Variants in TSKS observed in about 807,000 individuals in gnomAD.
TSKS encodes the protein testis specific serine kinase substrate, also known as testis-specific serine kinase substrate.
Under a neutral mutation model 68.0 loss-of-function variants are expected in TSKS, and 27 were observed. That is an observed-to-expected ratio of 0.40 (90% CI 0.29 to 0.55). The LOEUF is 0.55. TSKS is among the 20% of genes least tolerant of loss of function. TSKS has a pLI of 0.53. For missense variants in TSKS, 806 were observed against 776.0 expected (o/e 1.04, Z -0.46); for synonymous variants, 331 against 340.4 (o/e 0.97, Z 0.30).
At position 49,746,574 on chromosome 19, in the gene TSKS, G is replaced by C. The variant is rs1161436074; in HGVS notation, c.888C>G (p.His296Gln). 4.3e-6 allele frequency: 7 copies of C among 1,612,694 alleles called. No individual in the cohort carries two copies. The highest frequency in any genetic ancestry group is 4.2e-6 in the Non-Finnish European group (5 of 1,179,610). Reference protein sequence around the residue: ...PGSPDKPSRPHGLVPAGWGMG... With the variant: ...PGSPDKPSRPQGLVPAGWGMG... ...TTCCCCAGCCTGCGGGGACCAGGCC[G>C]TGTGGCCGCGAGGGTTTGTCGGGAC... The change falls in exon 6 of 11, where the codon CAC becomes CAG. Residue 296 changes from histidine to glutamine, a missense_variant. Coordinates refer to ENST00000246801, the MANE Select transcript of TSKS (RefSeq NM_021733.2).
At chr19:49,742,600 C>T (rs939941772) in intron 8 of TSKS, among the ~76,000 whole-genome samples, 5 of 150,544 alleles carry the variant, frequency 3.3e-5, no homozygotes, top group African/African-American at 1.2e-4. Context: ...CTGAGTTCAG[C>T]GATTCTCCTG....
At position 49,748,494 on chromosome 19, in the gene TSKS, A is replaced by G. The variant is rs770552282; in HGVS notation, c.400-25T>C. On this transcript the variant is annotated intron_variant, in intron 2 of 10. Transcript: ENST00000246801. ...TCTGGGGAAGAATGGGAGACAGGTG[A>G]GTTAGTGGGTATGTGGGGGCAAGCC... The G allele has an allele frequency of 5.6e-6, 9 of 1,607,392 alleles. No individual in the cohort carries two copies. The South Asian group carries it at 9.9e-5, about 18-fold the overall frequency.
At chr19:49,762,997 A>G in intron 1 of TSKS, 81 bp downstream of exon 1, 3 of 1,458,434 alleles carry the variant, frequency 2.1e-6, no homozygotes, top group Non-Finnish European at 2.7e-6. Context: ...CCCTTCCTCT[A>G]GCACCCACAG....
intron 2 of TSKS, 116 bp downstream of exon 2, chr19:49,761,888 A>G: frequency 1.2e-6 from 1 of 809,448 alleles, no homozygotes; most frequent in African/African-American, 1.7e-5. Context: ...CTGGGTCTCG[A>G]ATGACCAGAA....
chr19:49,748,255 T>C, intron 3 of TSKS, 87 bp from the exon 4 acceptor site: 1 of 1,577,742 alleles, frequency 6.3e-7, no homozygotes, highest in Non-Finnish European at 8.7e-7. Context: ...AGGTTCCTTT[T>C]CTTTCTGAGC....
chr19:49,743,084 T>C (rs1041564293), intron 8 of TSKS, among the ~76,000 whole-genome samples: 1 of 150,510 alleles, frequency 6.6e-6, no homozygotes. Context: ...ATGTACTAAG[T>C]GTTTTTTTTT....
At chr19:49,748,867 G>A (rs139004302) in intron 2 of TSKS, among the ~76,000 whole-genome samples, 2 of 152,066 alleles carry the variant, frequency 1.3e-5, no homozygotes, top group East Asian at 3.9e-4. Context: ...AGGAGTTCAA[G>A]ACCAACTTGG....
chr19:49,753,596 A>ATAATAAT (rs1555789510), intron 2 of TSKS, among the ~76,000 whole-genome samples: 4 of 127,582 alleles, frequency 3.1e-5, no homozygotes, highest in South Asian at 2.7e-4. Flanking sequence ...AATAATAATA[A>ATAATAAT]AATAAAATTA....
At position 49,746,709 on chromosome 19, in the gene TSKS, CTCCTGCTTCTCCTCCGG is replaced by C; in HGVS notation, c.736_752del (p.Pro246AlafsTer141). On this transcript the variant is annotated frameshift_variant, in exon 6 of 11. Transcript: ENST00000246801. LOFTEE classifies it high-confidence loss of function. Reference sequence around the variant, plus strand: ...CCTCCGGCTCCTGCTTCTCCTCCGGCTCCTGCTTCTCCTCCGGCTCCTGCAGCTCGGCCTCCTGCCGT... The same window carrying C: ...CCTCCGGCTCCTGCTTCTCCTCCGGCCTCCTGCAGCTCGGCCTCCTGCCGT... 6.2e-7 allele frequency: 1 copy of C among 1,602,104 alleles called. No individual in the cohort carries two copies. The highest frequency in any genetic ancestry group is 8.5e-7 in the Non-Finnish European group (1 of 1,178,636).
chr19:49,747,034 C>G (rs1256050185), intron 5 of TSKS: 2 of 1,286,150 alleles, frequency 1.6e-6, no homozygotes, highest in African/African-American at 1.5e-5. Flanking sequence ...CCCGGCCCTC[C>G]AAGCCCTCCA....
chr19:49,744,221 G>A lies in TSKS; in HGVS notation c.1361+10C>T. ...CACAAGGCTCCCAGAGGCAAGCCCA[G>A]CCCCGTTACCTGGCACAGCGGGCAC... On this transcript the variant is annotated intron_variant, in intron 8 of 10. Coordinates refer to ENST00000246801, the MANE Select transcript of TSKS (RefSeq NM_021733.2). 6.2e-7 allele frequency: 1 copy of A among 1,608,034 alleles called. No individual in the cohort carries two copies. Among genetic ancestry groups the A allele is most frequent in the Non-Finnish European group, 8.5e-7 (1 of 1,174,912 alleles).
intron 2 of TSKS, among the ~76,000 whole-genome samples, chr19:49,759,820 G>A (rs945240542): frequency 6.6e-6 from 1 of 151,748 alleles, no homozygotes; most frequent in Non-Finnish European, 1.5e-5. Context: ...GGGCAATAGA[G>A]TGAGACCCTG....
intron 5 of TSKS, 199 bp from the exon 6 acceptor site, chr19:49,746,997 C>T (rs941609285): frequency 3.3e-6 from 4 of 1,208,764 alleles, no homozygotes; most frequent in Admixed American, 5.3e-5. Context: ...TCCCGCTAAC[C>T]TCCCACAGCC....
intron 2 of TSKS, among the ~76,000 whole-genome samples, chr19:49,761,732 G>A (rs906131920): frequency 3.9e-5 from 6 of 152,152 alleles, no homozygotes; most frequent in Admixed American, 3.9e-4. Flanking sequence ...GGGAGGCCGA[G>A]GTGGGAGGAT....
At position 49,762,139 on chromosome 19, in the gene TSKS, G is replaced by A. The variant is rs760426259; in HGVS notation, c.264C>T (p.Ala88=). ...ACTNVSLLNL[A]AMEPTDSTGT... ...CCGTGGAGTCAGTGGGCTCCATGGC[G>A]GCCAGGTTGAGCAGTGACACGTTGG... The change falls in exon 2 of 11, where the codon GCC becomes GCT. Residue 88 remains alanine (A), a synonymous_variant. Coordinates refer to ENST00000246801, the MANE Select transcript of TSKS (RefSeq NM_021733.2). 2.5e-5 allele frequency: 41 copies of A among 1,613,992 alleles called. No individual in the cohort carries two copies. The highest frequency in any genetic ancestry group is 3.1e-5 in the Non-Finnish European group (37 of 1,180,028).
intron 2 of TSKS, among the ~76,000 whole-genome samples, chr19:49,749,026 G>A (rs902529603): frequency 2.0e-5 from 3 of 151,798 alleles, no homozygotes; most frequent in Admixed American, 6.6e-5. Flanking sequence ...TTGCACCACC[G>A]TACTCCAATC....
intron 9 of TSKS, 80 bp from the exon 10 acceptor site, chr19:49,740,263 A>T: frequency 6.6e-7 from 1 of 1,516,280 alleles, no homozygotes; most frequent in East Asian, 2.3e-5. Context: ...CGGAGGGCAA[A>T]GGGTAGGGTC....
At chr19:49,750,056 A>G (rs1439516798) in intron 2 of TSKS, among the ~76,000 whole-genome samples, 1 of 151,948 alleles carries the variant, frequency 6.6e-6, no homozygotes, top group African/African-American at 2.4e-5. Context: ...GGAATGCACA[A>G]TTGAGGGCTG....
intron 8 of TSKS, among the ~76,000 whole-genome samples, chr19:49,742,455 C>A (rs1186547392): frequency 6.6e-6 from 1 of 150,580 alleles, no homozygotes; most frequent in African/African-American, 2.4e-5. Flanking sequence ...CTCGGCCTCC[C>A]AAAGTGCTGG....
Sources: allele counts gnomAD v4.1 joint callset (sites outside exome capture counted in the v4.1 genomes callset), GRCh38; gene constraint gnomAD v4.1.1; transcripts MANE v1.5; gene names NCBI Gene and HGNC (gene_info 2026-07-23, HGNC 2026-07-21).